Variants in DNAH10 observed in about 807,000 individuals in gnomAD.
DNAH10 encodes axonemal beta dynein heavy chain 10.
In DNAH10, 348 loss-of-function variants were observed where a neutral mutation model predicts 506.6. The observed-to-expected ratio is 0.69, with a 90% CI of 0.63 to 0.75. DNAH10 has a LOEUF of 0.75. Ranked by LOEUF, DNAH10 falls within the 30% of genes least tolerant of loss-of-function variation. The pLI, the probability that DNAH10 is intolerant of heterozygous loss-of-function variation, is 0.00. For missense variants in DNAH10, 5,179 were observed against 5,787.1 expected (o/e 0.89, Z 3.41); for synonymous variants, 2,059 against 2,198.6 (o/e 0.94, Z 1.78).
chr12:123,765,059 C>T (rs1220106090), intron 1 of DNAH10, among the ~76,000 whole-genome samples: 1 of 152,022 alleles, frequency 6.6e-6, no homozygotes, highest in African/African-American at 2.4e-5. Flanking sequence ...GAGAGCCCAG[C>T]GTGTCCTTTG....
intron 39 of DNAH10, 144 bp from the exon 40 acceptor site, chr12:123,864,451 C>T: frequency 8.8e-7 from 1 of 1,141,858 alleles, no homozygotes; most frequent in Non-Finnish European, 1.2e-6. Flanking sequence ...AGTCAAACCT[C>T]TGGGCCAACT....
chr12:123,843,608 C>G (rs372857847), intron 30 of DNAH10, among the ~76,000 whole-genome samples: 4 of 152,080 alleles, frequency 2.6e-5, no homozygotes, highest in African/African-American at 9.7e-5. Context: ...GACAGAGTCT[C>G]GCTCTGTCAC....
At chr12:123,923,428 C>A (rs527267870) in intron 65 of DNAH10, 22 of 177,238 alleles carry the variant, frequency 1.2e-4, no homozygotes, top group Middle Eastern at 4.5e-3. Flanking sequence ...TGGAGTCAGG[C>A]AAACAACCTG....
rs1260998567 is a variant in DNAH10, at chr12:123,803,798, G to C, written c.2752G>C (p.Ala918Pro). The change falls in exon 17 of 79, where the codon GCC becomes CCC. Residue 918 changes from alanine to proline, a missense_variant. This residue lies in a region of DNAH10 where 4,844 missense variants were observed against 5,430.5 expected (regional missense o/e 0.89). Transcript: ENST00000673944. ...GGCCATAAATCTCTTTAAATATCCA[G>C]CCGCTAAAAGTGAGGAAGAACTCCC... ...IEAINLFKYP[A>P]AKSEEELPGV... is the part of the protein sequence containing the mutation. 6.2e-7 allele frequency: 1 copy of C among 1,610,882 alleles called. No individual in the cohort carries two copies. The highest frequency in any genetic ancestry group is 2.2e-5 in the East Asian group (1 of 44,874).
At chr12:123,887,116 C>A in intron 51 of DNAH10, 26 bp from the exon 52 acceptor site, 1 of 1,580,186 alleles carries the variant, frequency 6.3e-7, no homozygotes, top group Non-Finnish European at 8.6e-7. Flanking sequence ...GTGGTGACGC[C>A]CATGTGCTCT....
intron 9 of DNAH10, among the ~76,000 whole-genome samples, chr12:123,786,438 T>C (rs965840558): frequency 6.6e-6 from 1 of 151,638 alleles, no homozygotes; most frequent in Non-Finnish European, 1.5e-5. Flanking sequence ...GTGTGCCTTT[T>C]AGCAGTCAGT....
At chr12:123,804,527 CAA>C (rs1283454178) in intron 17 of DNAH10, among the ~76,000 whole-genome samples, 10 of 78,752 alleles carry the variant, frequency 1.3e-4, no homozygotes, top group African/African-American at 1.3e-4. Flanking sequence ...GACTCCGTCT[CAA>C]AAAAAAAAAA....
At chr12:123,934,933 C>T in intron 78 of DNAH10, 167 bp downstream of exon 78, 1 of 896,276 alleles carries the variant, frequency 1.1e-6, no homozygotes, top group Non-Finnish European at 1.7e-6. Context: ...TAGCTGCTTC[C>T]TGGAAAAGGC....
rs1240556310 is a variant in DNAH10 at position 123,897,926 on chromosome 12, C to T, written c.9437C>T (p.Thr3146Ile). 1.2e-6 allele frequency: 2 copies of T among 1,601,146 alleles called. No individual in the cohort carries two copies. The highest frequency in any genetic ancestry group is 1.7e-6 in the Non-Finnish European group (2 of 1,176,470). Residue 3146 changes from threonine (T) to isoleucine (I), a missense_variant, in exon 55 of 79, where the codon ACC (threonine) becomes ATC (isoleucine). Thr to Ile is a moderately conservative substitution (Grantham distance 89). Coordinates refer to ENST00000673944, the MANE Select transcript of DNAH10 (RefSeq NM_001372106.1). ...TPKNYLDFIN[T>I]YSKLLDEKTQ... ...AAGAACTACCTTGATTTTATTAACA[C>T]CTATTCAAAATTGCTGGATGAGAAA...
intron 29 of DNAH10, among the ~76,000 whole-genome samples, chr12:123,839,182 T>C (rs1950675688): frequency 6.6e-6 from 1 of 151,828 alleles, no homozygotes. Context: ...TTCAGCTATT[T>C]TTCCACAGTC....
At chr12:123,820,342 A>T (rs1959261234) in intron 23 of DNAH10, among the ~76,000 whole-genome samples, 1 of 152,200 alleles carries the variant, frequency 6.6e-6, no homozygotes, top group African/African-American at 2.4e-5. Context: ...CCCTTAAAAT[A>T]GTCTCCTTTC....
Position 123,875,378 on chromosome 12 carries a change from C to T in DNAH10, c.8086C>T (p.Arg2696Cys), listed in dbSNP as rs774602539. ...TGCAATGGGAAAGGCTGGAGGAGGC[C>T]GCAATGAAGTTGACCCAAGATTTAT... The part of the protein sequence containing the change: ...IAAMGKAGGG[R>C]NEVDPRFISL... The change falls in exon 47 of 79, where the codon CGC (arginine) becomes TGC (cysteine). Residue 2696 changes from arginine to cysteine, a missense_variant. By Grantham distance (180) the Arg-to-Cys change is radical. Coordinates refer to ENST00000673944, the MANE Select transcript of DNAH10 (RefSeq NM_001372106.1). The T allele has an allele frequency of 1.1e-5, 17 of 1,613,850 alleles. No homozygotes were observed. The highest frequency in any genetic ancestry group is 8.3e-5 in the Admixed American group (5 of 60,004).
At position 123,926,331 on chromosome 12, in the gene DNAH10, A is replaced by G; in HGVS notation, c.11922-306A>G. Reference sequence around the variant, plus strand: ...GGACCATTCAGGACACGCCTGTGGAACCTCAGGGTTTTGTGCCATGGGCAG... The same window carrying G: ...GGACCATTCAGGACACGCCTGTGGAGCCTCAGGGTTTTGTGCCATGGGCAG... On this transcript the variant is annotated intron_variant, in intron 68 of 78. Transcript: ENST00000673944. This position sits in a 1 kb window ranked among gnomAD's most constrained non-coding sequence, Gnocchi z 4.1. The G allele has an allele frequency of 2.8e-6, 1 of 358,146 alleles. No individual in the cohort carries two copies. Among genetic ancestry groups the G allele is most frequent in the East Asian group, 4.7e-5 (1 of 21,440 alleles). 22.2% of individuals were successfully genotyped at this position (358,146 alleles called of 1,614,324 possible).
At chr12:123,832,370 G>A (rs1428952679) in intron 26 of DNAH10, among the ~76,000 whole-genome samples, 1 of 151,864 alleles carries the variant, frequency 6.6e-6, no homozygotes, top group African/African-American at 2.4e-5. Context: ...AATGTTCAGT[G>A]TACCCAATAT....
Position 123,893,393 on chromosome 12 carries a change from G to C in DNAH10, c.9156G>C (p.Ser3052=), listed in dbSNP as rs759429186. The change falls in exon 53 of 79, where the codon TCG becomes TCC. Residue 3052 remains serine, a synonymous_variant. Transcript: ENST00000673944. The part of the protein sequence containing the change: ...ANNLHIVLGM[S]PVGDTLRTWC... ...ACCTGCACATTGTCCTGGGCATGTC[G>C]CCAGTGGGGGACACCCTGAGGACCT... The C allele has an allele frequency of 6.2e-7, 1 of 1,613,416 alleles. No homozygotes were observed. The highest frequency in any genetic ancestry group is 8.5e-7 in the Non-Finnish European group (1 of 1,179,884).
chr12:123,833,016 A>G (rs1173982603), intron 26 of DNAH10, 98 bp from the exon 27 acceptor site: 12 of 861,826 alleles, frequency 1.4e-5, no homozygotes, highest in Non-Finnish European at 1.9e-5. Flanking sequence ...CTCCGATTGC[A>G]TTGTTGGCCA....
Position 123,841,276 on chromosome 12 carries a change from C to T in DNAH10, c.5137-46C>T, listed in dbSNP as rs77776682. ...AGCACCGCTGGCTGGTCTTTGATTC[C>T]AGAACTCCGTGCAGGTCTTACAGGG... On this transcript the variant is annotated intron_variant, in intron 29 of 78. Transcript: ENST00000673944. The T allele has an allele frequency of 1.7e-3, 2,703 of 1,599,656 alleles. 31 individuals carry two copies. In the African/African-American group the frequency reaches 0.031, roughly 18 times the overall value.
chr12:123,881,778 C>G lies in DNAH10; in HGVS notation c.8788C>G (p.Leu2930Val), dbSNP rs1460873032. ...GGTAGGGGGCTCAGGGAAGCAGTCT[C>G]TTTCGAGGCTGGCTGCCTTCACAGC... ...VGVGGSGKQSLSRLAAFTASC... is the reference protein window; with the variant it reads ...VGVGGSGKQSVSRLAAFTASC... The change falls in exon 51 of 79, where the codon CTT becomes GTT. Residue 2930 changes from leucine (L) to valine (V), a missense_variant. This residue lies in a region of DNAH10 where 4,844 missense variants were observed against 5,430.5 expected (regional missense o/e 0.89). Coordinates refer to ENST00000673944, the MANE Select transcript of DNAH10 (RefSeq NM_001372106.1). 3 of 1,522,082 alleles carry G rather than the reference C, an allele frequency of 2.0e-6. No individual in the cohort carries two copies. The African/African-American group carries it at 4.2e-5, about 21-fold the overall frequency. The allele number at this position is 1,522,082 out of a possible 1,614,324, so 94.3% of individuals were successfully genotyped here. A position where few individuals can be genotyped will look rare whatever the true frequency, so the allele number is the denominator to read the frequency against.
Position 123,804,987 on chromosome 12 carries a change from C to T in DNAH10, c.2934C>T (p.Tyr978=), listed in dbSNP as rs1958610514. 1.2e-6 allele frequency: 2 copies of T among 1,614,238 alleles called. No individual in the cohort carries two copies. Among genetic ancestry groups the T allele is most frequent in the Non-Finnish European group, 1.7e-6 (2 of 1,180,060 alleles). Residue 978 remains tyrosine (Y), a synonymous_variant, in exon 18 of 79, where the codon TAC becomes TAT. Transcript: ENST00000673944. ...GCAAGGCCCCCAAGCTGGCCTCCTA[C>T]TACAAATACTGGGAAAAGAAAATTT... ...NTGKAPKLAS[Y]YKYWEKKIYE...
Sources: gnomAD v4.1 joint callset for allele counts (sites outside exome capture counted in the v4.1 genomes callset) on GRCh38, gnomAD v4.1.1 for gene constraint, gnomAD v4.1.1 regional missense constraint, Gnocchi (gnomAD v3.1) non-coding constraint, MANE v1.5 for transcripts, NCBI Gene and HGNC (gene_info 2026-07-23, HGNC 2026-07-21) for gene names.